Variants in CPA6 observed in about 807,000 individuals in gnomAD.
CPA6 encodes the protein carboxypeptidase B.
CPA6 carries 58 observed loss-of-function variants against 63.3 expected under a neutral mutation model. The observed-to-expected ratio is 0.92, with a 90% CI of 0.74 to 1.14. The LOEUF (loss-of-function observed/expected upper bound fraction) is 1.14. Among genes scored for constraint, CPA6 ranks in the 50% most tolerant of loss-of-function variants. The pLI, the probability that CPA6 is intolerant of heterozygous loss-of-function variation, is 0.00. For missense variants in CPA6, 565 were observed against 526.6 expected, an observed-to-expected ratio of 1.07 and a Z score of -0.71; for synonymous variants, 185 against 179.0, an observed-to-expected ratio of 1.03 and a Z score of -0.27.
intron 1 of CPA6, among the ~76,000 whole-genome samples, chr8:67,647,349 T>TA (rs935208389): frequency 2.0e-5 from 3 of 150,804 alleles, no homozygotes; most frequent in African/African-American, 7.3e-5. Context: ...TTTTTTTTTT[T>TA]AAATTATTGA....
intron 2 of CPA6, among the ~76,000 whole-genome samples, chr8:67,588,598 C>T (rs1325458115): frequency 6.6e-6 from 1 of 152,082 alleles, no homozygotes; most frequent in East Asian, 1.9e-4. Flanking sequence ...AATTCTATAG[C>T]CCTTCCATGG....
intron 6 of CPA6, among the ~76,000 whole-genome samples, chr8:67,487,201 C>T (rs1230424810): frequency 6.6e-6 from 1 of 152,050 alleles, no homozygotes; most frequent in Non-Finnish European, 1.5e-5. Flanking sequence ...TTATCCCTTC[C>T]CCTGACCCCC....
chr8:67,487,501 C>T (rs1179374969), intron 6 of CPA6, among the ~76,000 whole-genome samples: 6 of 152,012 alleles, frequency 3.9e-5, no homozygotes, highest in Non-Finnish European at 5.9e-5. Flanking sequence ...TGAATAGTGC[C>T]GCAATAAACA....
chr8:67,530,073 T>A (rs1040757321), intron 2 of CPA6, among the ~76,000 whole-genome samples: 1 of 152,178 alleles, frequency 6.6e-6, no homozygotes, highest in African/African-American at 2.4e-5. Context: ...TAAGAGAGGA[T>A]ATGTTCAAGA....
chr8:67,539,562 G>A (rs1812661313), intron 2 of CPA6, among the ~76,000 whole-genome samples: 1 of 152,186 alleles, frequency 6.6e-6, no homozygotes, highest in Non-Finnish European at 1.5e-5. Flanking sequence ...GGTTGGGGAA[G>A]TTCTCCTGGA....
intron 2 of CPA6, among the ~76,000 whole-genome samples, chr8:67,600,416 G>A (rs942489778): frequency 1.3e-5 from 2 of 152,124 alleles, no homozygotes; most frequent in Non-Finnish European, 2.9e-5. Context: ...ATTTAGTTAG[G>A]AGAAATAGTT....
chr8:67,453,422 G>C (rs1391149693), intron 8 of CPA6, among the ~76,000 whole-genome samples: 2 of 152,226 alleles, frequency 1.3e-5, no homozygotes, highest in Non-Finnish European at 2.9e-5. Context: ...ATTTGGCAGA[G>C]TGAAGGTCAG....
At chr8:67,573,810 T>C (rs1012117482) in intron 2 of CPA6, among the ~76,000 whole-genome samples, 5 of 134,138 alleles carry the variant, frequency 3.7e-5, no homozygotes, top group Non-Finnish European at 7.6e-5. Flanking sequence ...GAGAATGGCA[T>C]GAACCCGGGA....
intron 1 of CPA6, among the ~76,000 whole-genome samples, chr8:67,653,975 C>T (rs1211712671): frequency 2.0e-5 from 3 of 151,486 alleles, no homozygotes; most frequent in Non-Finnish European, 2.9e-5. Flanking sequence ...TTGTCAAAGG[C>T]CTTTTCTGCA....
chr8:67,713,108 T>C (rs921858208), intron 1 of CPA6, among the ~76,000 whole-genome samples: 1 of 99,268 alleles, frequency 1.0e-5, no homozygotes, highest in Admixed American at 9.6e-5. Flanking sequence ...TGTATATATA[T>C]ATATATATAT....
At chr8:67,653,457 C>T (rs12548658) in intron 1 of CPA6, among the ~76,000 whole-genome samples, 26,124 of 148,338 alleles carry the variant, frequency 0.18, 2,335 homozygotes, top group Middle Eastern at 0.31. Context: ...AGGTCCTTCA[C>T]ATCCCTTGTA....
intron 8 of CPA6, among the ~76,000 whole-genome samples, chr8:67,478,777 C>T (rs1173074615): frequency 6.6e-6 from 1 of 152,190 alleles, no homozygotes; most frequent in Non-Finnish European, 1.5e-5. Context: ...TGGCTTATGC[C>T]TGTAATCCCA....
At chr8:67,597,229 C>T (rs1182749087) in intron 2 of CPA6, among the ~76,000 whole-genome samples, 17 of 142,364 alleles carry the variant, frequency 1.2e-4, no homozygotes, top group Middle Eastern at 4.0e-3. Context: ...GACAGAGTCT[C>T]GCTCTGTTGC....
chr8:67,526,083 G>A (rs1003611532), intron 2 of CPA6, among the ~76,000 whole-genome samples: 13 of 152,148 alleles, frequency 8.5e-5, no homozygotes, highest in Non-Finnish European at 1.9e-4. Flanking sequence ...ACACAACATG[G>A]GAAACGACAG....
intron 6 of CPA6, among the ~76,000 whole-genome samples, chr8:67,502,892 A>T (rs1220750391): frequency 6.6e-6 from 1 of 152,190 alleles, no homozygotes. Flanking sequence ...GTTTTGGAAG[A>T]GGATATGGTA....
chr8:67,623,515 G>A (rs772080932), intron 2 of CPA6, among the ~76,000 whole-genome samples: 6 of 151,928 alleles, frequency 3.9e-5, no homozygotes, highest in Non-Finnish European at 8.8e-5. Context: ...AGACCTCACT[G>A]CAACCTCCCA....
At chr8:67,575,497 T>A (rs898599691) in intron 2 of CPA6, among the ~76,000 whole-genome samples, 3 of 152,198 alleles carry the variant, frequency 2.0e-5, no homozygotes, top group African/African-American at 7.2e-5. Flanking sequence ...TGTCCATCAC[T>A]GATGAATGTA....
At chr8:67,456,815 C>T (rs886799562) in intron 8 of CPA6, among the ~76,000 whole-genome samples, 5 of 152,164 alleles carry the variant, frequency 3.3e-5, no homozygotes, top group African/African-American at 9.7e-5. Context: ...TATGTAATTA[C>T]AGGTGCCCTT....
At chr8:67,707,565 C>T (rs1319103017) in intron 1 of CPA6, among the ~76,000 whole-genome samples, 1 of 152,060 alleles carries the variant, frequency 6.6e-6, no homozygotes, top group Non-Finnish European at 1.5e-5. Flanking sequence ...ATTAGAGAAA[C>T]TGGTTATTTT....
Sources: gnomAD v4.1 joint callset for allele counts (sites outside exome capture counted in the v4.1 genomes callset) on GRCh38, gnomAD v4.1.1 for gene constraint, MANE v1.5 for transcripts, NCBI Gene and HGNC (gene_info 2026-07-23, HGNC 2026-07-21) for gene names.